Variants in SGCZ observed in about 807,000 individuals in gnomAD.
SGCZ encodes sarcoglycan zeta, also known as zeta-sarcoglycan.
SGCZ carries 40 observed loss-of-function variants against 41.3 expected under a neutral mutation model. The ratio of observed to expected loss-of-function variants is 0.97; its 90% confidence interval spans 0.75 to 1.26. SGCZ has a LOEUF of 1.26. Among genes scored for constraint, SGCZ ranks in the 50% most tolerant of loss-of-function variants. SGCZ has a pLI of 0.00. For missense variants in SGCZ, 552 were observed against 369.8 expected (o/e 1.49, Z -4.04); for synonymous variants, 206 against 137.5 (o/e 1.50, Z -3.49).
At chr8:14,804,006 G>A (rs560788841) in intron 1 of SGCZ, among the ~76,000 whole-genome samples, 24 of 123,494 alleles carry the variant, frequency 1.9e-4, no homozygotes, top group African/African-American at 8.9e-4. Flanking sequence ...CAACAGACCT[G>A]CACCTGAGGG....
At chr8:14,298,164 A>C (rs535344847) in intron 3 of SGCZ, among the ~76,000 whole-genome samples, 1 of 152,036 alleles carries the variant, frequency 6.6e-6, no homozygotes, top group African/African-American at 2.4e-5. Flanking sequence ...AAACACATTC[A>C]TGATAAATAC....
chr8:14,981,314 T>G (rs1801655252), intron 1 of SGCZ, among the ~76,000 whole-genome samples: 2 of 152,208 alleles, frequency 1.3e-5, no homozygotes, highest in South Asian at 4.1e-4. Flanking sequence ...ATTTCAAAAC[T>G]GAATACGTTG....
chr8:14,484,469 T>C (rs897148495), intron 2 of SGCZ, among the ~76,000 whole-genome samples: 11 of 152,040 alleles, frequency 7.2e-5, no homozygotes, highest in African/African-American at 2.4e-4. Context: ...GAAACTTGCA[T>C]TGATGTGATT....
intron 1 of SGCZ, among the ~76,000 whole-genome samples, chr8:14,917,701 G>A (rs964966273): frequency 5.3e-5 from 8 of 151,904 alleles, no homozygotes; most frequent in African/African-American, 1.7e-4. Flanking sequence ...TCATAATGGG[G>A]CAAGGAAAGA....
At chr8:14,189,176 G>A (rs1563175358) in intron 4 of SGCZ, among the ~76,000 whole-genome samples, 1 of 151,920 alleles carries the variant, frequency 6.6e-6, no homozygotes, top group Non-Finnish European at 1.5e-5. Context: ...TGTCTTCTTT[G>A]TCAAAACCAC....
chr8:14,364,744 T>G (rs1803638659), intron 2 of SGCZ, among the ~76,000 whole-genome samples: 2 of 152,166 alleles, frequency 1.3e-5, no homozygotes, highest in Admixed American at 1.3e-4. Context: ...GTTCTTGGTA[T>G]ATTTTAGTTT....
chr8:14,997,472 A>T (rs1338559967), intron 1 of SGCZ, among the ~76,000 whole-genome samples: 1 of 152,210 alleles, frequency 6.6e-6, no homozygotes, highest in African/African-American at 2.4e-5. Flanking sequence ...TTAAACCAAA[A>T]ATGTATTAAC....
chr8:14,294,007 T>C (rs1486579341), intron 3 of SGCZ, among the ~76,000 whole-genome samples: 1 of 151,820 alleles, frequency 6.6e-6, no homozygotes, highest in Non-Finnish European at 1.5e-5. Context: ...CTATTATATA[T>C]TTAGAACACT....
At chr8:15,007,252 C>CTTG (rs1802637971) in intron 1 of SGCZ, among the ~76,000 whole-genome samples, 1 of 152,176 alleles carries the variant, frequency 6.6e-6, no homozygotes, top group South Asian at 2.1e-4. Context: ...TATTAATTTT[C>CTTG]ACCACCTTAC....
At chr8:15,072,338 TG>T (rs1805386370) in intron 1 of SGCZ, among the ~76,000 whole-genome samples, 1 of 152,186 alleles carries the variant, frequency 6.6e-6, no homozygotes, top group Non-Finnish European at 1.5e-5. Flanking sequence ...TATATATCCA[TG>T]GTGTGGTTTG....
At chr8:14,690,679 G>C (rs1351166271) in intron 1 of SGCZ, 1 of 152,044 alleles carries the variant, frequency 6.6e-6, no homozygotes, top group African/African-American at 2.4e-5. Context: ...TAATACCGTG[G>C]CTGGTGTAAA....
chr8:15,111,668 G>C (rs1011904893), intron 1 of SGCZ, among the ~76,000 whole-genome samples: 1 of 152,256 alleles, frequency 6.6e-6, no homozygotes, highest in East Asian at 1.9e-4. Flanking sequence ...TTGGGAGGCC[G>C]AGGTGGGCGG....
At chr8:14,357,818 G>C (rs1486171265) in intron 2 of SGCZ, among the ~76,000 whole-genome samples, 2 of 152,150 alleles carry the variant, frequency 1.3e-5, no homozygotes, top group African/African-American at 4.8e-5. Context: ...GTATAAAGTA[G>C]AGAAACTGGT....
At chr8:14,439,830 ACACTGCTTTCT>A (rs1338393750) in intron 2 of SGCZ, among the ~76,000 whole-genome samples, 1 of 151,996 alleles carries the variant, frequency 6.6e-6, no homozygotes, top group Non-Finnish European at 1.5e-5. Flanking sequence ...TAATGATGAA[ACACTGCTTTCT>A]CATCTTTTGG....
chr8:14,436,095 G>A (rs192588813), intron 2 of SGCZ, among the ~76,000 whole-genome samples: 1 of 152,298 alleles, frequency 6.6e-6, no homozygotes, highest in African/African-American at 2.4e-5. Context: ...AAATGCAGTG[G>A]ATGTCAAACT....
chr8:14,843,484 A>T (rs1359742713), intron 1 of SGCZ, among the ~76,000 whole-genome samples: 1 of 152,160 alleles, frequency 6.6e-6, no homozygotes, highest in Non-Finnish European at 1.5e-5. Flanking sequence ...TGCTTACTAC[A>T]TGCCTGTTCA....
chr8:15,081,125 G>C (rs1805732631), intron 1 of SGCZ, among the ~76,000 whole-genome samples: 1 of 152,104 alleles, frequency 6.6e-6, no homozygotes, highest in Non-Finnish European at 1.5e-5. Flanking sequence ...GGCAACCCTA[G>C]CAAACTCATA....
intron 1 of SGCZ, among the ~76,000 whole-genome samples, chr8:14,697,379 A>G (rs750145882): frequency 6.6e-6 from 1 of 152,080 alleles, no homozygotes; most frequent in Admixed American, 6.6e-5. Context: ...AACAATTCAC[A>G]TCAGAACAGT....
At chr8:14,645,487 T>TAC (rs1807182690) in intron 1 of SGCZ, among the ~76,000 whole-genome samples, 1 of 143,876 alleles carries the variant, frequency 7.0e-6, no homozygotes, top group Non-Finnish European at 1.5e-5. Flanking sequence ...TTTATATGTA[T>TAC]ATATATATAT....
Sources: allele counts gnomAD v4.1 joint callset (sites outside exome capture counted in the v4.1 genomes callset), GRCh38; gene constraint gnomAD v4.1.1; transcripts MANE v1.5; gene names NCBI Gene and HGNC (gene_info 2026-07-23, HGNC 2026-07-21).